MBD5: variants seen among roughly 807,000 people sequenced by gnomAD.
MBD5 encodes the protein methyl-CpG-binding domain protein 5.
MBD5 carries 13 observed loss-of-function variants against 117.3 expected under a neutral mutation model. The ratio of observed to expected loss-of-function variants is 0.11; its 90% CI spans 0.07 to 0.18. The LOEUF (loss-of-function observed/expected upper bound fraction) is 0.18. MBD5 is among the 10% of genes least tolerant of loss of function. The pLI is 1.00. For synonymous variants in MBD5, 727 were observed against 766.4 expected (o/e 0.95, Z 0.85); for missense variants, 1,879 against 2,093.8 (o/e 0.90, Z 2.00).
intron 4 of MBD5, among the ~76,000 whole-genome samples, chr2:148,383,487 C>G (rs944043770): frequency 6.6e-6 from 1 of 152,022 alleles, no homozygotes. Context: ...CAAAAGAAGT[C>G]CAGGACCAGA....
At chr2:148,023,752 T>C (rs191234923) in intron 1 of MBD5, among the ~76,000 whole-genome samples, 84 of 152,002 alleles carry the variant, frequency 5.5e-4, no homozygotes, top group Non-Finnish European at 4.6e-4. Flanking sequence ...TTAATGTCTT[T>C]CCTTATTTTG....
At chr2:148,464,067 T>C in intron 7 of MBD5, 148 bp downstream of exon 7, 1 of 867,310 alleles carries the variant, frequency 1.2e-6, no homozygotes, top group Non-Finnish European at 1.7e-6. Flanking sequence ...TTATTACAAA[T>C]AGCAAACTAG....
intron 4 of MBD5, among the ~76,000 whole-genome samples, chr2:148,383,255 A>G (rs1410826723): frequency 6.6e-6 from 1 of 152,196 alleles, no homozygotes; most frequent in African/African-American, 2.4e-5. Context: ...TAGATGAAAT[A>G]AAAAATGACA....
chr2:148,216,479 C>G (rs961790470), intron 2 of MBD5, among the ~76,000 whole-genome samples: 2 of 152,094 alleles, frequency 1.3e-5, no homozygotes, highest in African/African-American at 4.8e-5. Context: ...TTTATTAGCA[C>G]CAACTTCATG....
At chr2:148,121,957 A>C (rs1696779141) in intron 1 of MBD5, among the ~76,000 whole-genome samples, 1 of 152,104 alleles carries the variant, frequency 6.6e-6, no homozygotes, top group Non-Finnish European at 1.5e-5. Flanking sequence ...TTTTAAAAAG[A>C]AATTCTTTGG....
rs1699583524 is a variant in MBD5, at chr2:148,217,372, T to C, written c.-830-15873T>C. ...GATGAGGAGAGAGGGAGCCTTGTGC[T>C]CTCTCTCTGCATCTGAGGCAGGACA... On this transcript the variant is annotated intron_variant, in intron 2 of 13. Coordinates refer to ENST00000642680, the MANE Select transcript of MBD5 (RefSeq NM_001378120.1). Among the ~76,000 whole-genome samples the C allele has an allele frequency of 2.0e-5, 3 of 152,164 alleles. No homozygotes were observed. In the South Asian group the frequency reaches 6.2e-4, roughly 32 times the overall value.
At chr2:148,509,702 A>G (rs1009930834) in intron 12 of MBD5, among the ~76,000 whole-genome samples, 1 of 152,204 alleles carries the variant, frequency 6.6e-6, no homozygotes, top group African/African-American at 2.4e-5. Flanking sequence ...GAAAGAAACA[A>G]GAAGCAACAC....
chr2:148,258,652 C>G (rs975743936), intron 3 of MBD5, among the ~76,000 whole-genome samples: 1 of 152,168 alleles, frequency 6.6e-6, no homozygotes, highest in African/African-American at 2.4e-5. Context: ...GTGTATTTCT[C>G]CCCCTTGGGC....
intron 1 of MBD5, among the ~76,000 whole-genome samples, chr2:148,031,906 A>G (rs761221434): frequency 6.6e-6 from 1 of 152,174 alleles, no homozygotes; most frequent in Non-Finnish European, 1.5e-5. Flanking sequence ...AAATGCTGAA[A>G]GTAACAAAGG....
At chr2:148,360,229 G>A (rs1224103238) in intron 4 of MBD5, among the ~76,000 whole-genome samples, 1 of 151,942 alleles carries the variant, frequency 6.6e-6, no homozygotes, top group African/African-American at 2.4e-5. Context: ...TATCATATCT[G>A]TTTGCCTTTA....
intron 4 of MBD5, among the ~76,000 whole-genome samples, chr2:148,440,378 C>G (rs1048183178): frequency 6.6e-6 from 1 of 152,148 alleles, no homozygotes; most frequent in Non-Finnish European, 1.5e-5. Context: ...GTGTGCCAGG[C>G]ACTTTTCTAG....
intron 4 of MBD5, among the ~76,000 whole-genome samples, chr2:148,372,069 A>G (rs1340462576): frequency 6.6e-6 from 1 of 152,168 alleles, no homozygotes; most frequent in Non-Finnish European, 1.5e-5. Flanking sequence ...ATATGACAAA[A>G]GTAAGTAAAA....
chr2:148,370,587 C>T (rs995145854), intron 4 of MBD5, among the ~76,000 whole-genome samples: 1 of 152,138 alleles, frequency 6.6e-6, no homozygotes, highest in African/African-American at 2.4e-5. Context: ...CCACTGGGCT[C>T]AAGTGATCCT....
chr2:148,461,329 A>C (rs1707072490), intron 5 of MBD5, among the ~76,000 whole-genome samples: 2 of 152,090 alleles, frequency 1.3e-5, no homozygotes, highest in African/African-American at 4.8e-5. Context: ...TTCTCTGCAT[A>C]TCACCTGAAA....
intron 2 of MBD5, among the ~76,000 whole-genome samples, chr2:148,204,461 A>G (rs529265653): frequency 6.6e-6 from 1 of 152,332 alleles, no homozygotes. Flanking sequence ...TTTAAAATAT[A>G]ATTTTGATCT....
At chr2:148,144,328 T>G (rs1389764786) in intron 1 of MBD5, among the ~76,000 whole-genome samples, 3 of 151,546 alleles carry the variant, frequency 2.0e-5, no homozygotes, top group Admixed American at 1.3e-4. Context: ...TTTGAGTTCT[T>G]TGTAGATTCT....
chr2:148,043,367 C>T (rs921755171), intron 1 of MBD5, among the ~76,000 whole-genome samples: 8 of 151,812 alleles, frequency 5.3e-5, no homozygotes, highest in South Asian at 2.1e-4. Flanking sequence ...GCAGGAGAAT[C>T]GCCTGAACCC....
chr2:148,226,742 G>T (rs1699833202), intron 2 of MBD5, among the ~76,000 whole-genome samples: 1 of 152,150 alleles, frequency 6.6e-6, no homozygotes. Flanking sequence ...GTGTAAAAGT[G>T]TTCCTATTTC....
intron 1 of MBD5, among the ~76,000 whole-genome samples, chr2:148,128,339 A>T (rs1696952205): frequency 6.6e-6 from 1 of 152,186 alleles, no homozygotes; most frequent in Non-Finnish European, 1.5e-5. Context: ...TTATGCATAT[A>T]ATATATATGC....
Sources: gnomAD v4.1 joint callset for allele counts (sites outside exome capture counted in the v4.1 genomes callset) on GRCh38, gnomAD v4.1.1 for gene constraint, MANE v1.5 for transcripts, NCBI Gene and HGNC (gene_info 2026-07-23, HGNC 2026-07-21) for gene names.